The following C19orf38 variants were observed in gnomAD, a reference collection of about 807,000 sequenced individuals.
C19orf38 encodes chromosome 19 open reading frame 38.
A neutral mutation model predicts 26.6 loss-of-function variants in C19orf38; 14 were observed. The observed-to-expected ratio is 0.53, with a 90% CI of 0.35 to 0.82. C19orf38 has a LOEUF of 0.82. Among genes scored for constraint, C19orf38 ranks in the 40% least tolerant of loss-of-function variants. C19orf38 has a pLI of 0.01. For synonymous variants in C19orf38, 132 were observed against 128.5 expected, an observed-to-expected ratio of 1.03 and a Z score of -0.18; for missense variants, 261 against 299.5, an observed-to-expected ratio of 0.87 and a Z score of 0.95.
At chr19:10,846,850 G>A (rs912108948), upstream of C19orf38, among the ~76,000 whole-genome samples, 5 of 152,210 alleles carry the variant, frequency 3.3e-5, no homozygotes, top group Admixed American at 2.6e-4. Context: ...CTAGGGGATT[G>A]TTCTAAGTCC....
upstream of C19orf38, among the ~76,000 whole-genome samples, chr19:10,846,321 C>T (rs1010358665): frequency 6.6e-6 from 1 of 151,520 alleles, no homozygotes; most frequent in African/African-American, 2.4e-5. Context: ...CTCAGCCTCC[C>T]GAGTAGCTGG....
chr19:10,867,392 G>C (rs1374167801), intron 6 of C19orf38, among the ~76,000 whole-genome samples: 1 of 148,776 alleles, frequency 6.7e-6, no homozygotes, highest in African/African-American at 2.5e-5. Context: ...ATCACCTGAG[G>C]TTGGGAATTC....
At chr19:10,869,117 A>C in intron 6 of C19orf38, 101 bp from the exon 7 acceptor site, 1 of 1,453,318 alleles carries the variant, frequency 6.9e-7, no homozygotes, top group Non-Finnish European at 9.4e-7. Context: ...ATGAGAGGAG[A>C]CCTGCTGGGC....
intron 3 of C19orf38, among the ~76,000 whole-genome samples, chr19:10,857,930 G>GAAAGAAAGAA (rs1555721232): frequency 1.5e-5 from 2 of 135,176 alleles, no homozygotes; most frequent in Non-Finnish European, 3.2e-5. Context: ...AAGAAAGAAA[G>GAAAGAAAGAA]AAAAATCTGA....
chr19:10,854,207 C>T (rs970931692), intron 2 of C19orf38, among the ~76,000 whole-genome samples: 5 of 151,764 alleles, frequency 3.3e-5, no homozygotes, highest in African/African-American at 7.3e-5. Context: ...GGACTACAGG[C>T]GCCAACCACC....
At chr19:10,865,574 G>C (rs1177991867) in intron 6 of C19orf38, among the ~76,000 whole-genome samples, 32 of 152,244 alleles carry the variant, frequency 2.1e-4, no homozygotes, top group Admixed American at 2.1e-3. Context: ...TGAGTCTGCA[G>C]TGAGCTATGA....
At chr19:10,850,195 C>T (rs896208788) in intron 1 of C19orf38, 64 bp from the exon 2 acceptor site, 1 of 1,441,450 alleles carries the variant, frequency 6.9e-7, no homozygotes, top group Non-Finnish European at 9.3e-7. Flanking sequence ...TTGCCCGAGG[C>T]CACATAGCCA....
At chr19:10,844,402 C>CG (rs1555719541), upstream of C19orf38, among the ~76,000 whole-genome samples, 1 of 65,082 alleles carries the variant, frequency 1.5e-5, no homozygotes, top group African/African-American at 6.1e-5. Context: ...GACTCCGTCT[C>CG]AAAAAAAAAA....
At chr19:10,861,640 C>T (rs1391773770) in intron 5 of C19orf38, among the ~76,000 whole-genome samples, 26 of 152,072 alleles carry the variant, frequency 1.7e-4, no homozygotes, top group Admixed American at 1.1e-3. Flanking sequence ...TGCAGTGGCA[C>T]GATCTCAGCT....
chr19:10,864,069 GT>G (rs2073728952), intron 6 of C19orf38, among the ~76,000 whole-genome samples: 2 of 151,720 alleles, frequency 1.3e-5, no homozygotes, highest in African/African-American at 4.8e-5. Context: ...GGAGGGATTT[GT>G]TTTTTTTCAA....
chr19:10,863,504 C>G (rs959114165), intron 6 of C19orf38, among the ~76,000 whole-genome samples: 1 of 152,180 alleles, frequency 6.6e-6, no homozygotes, highest in Admixed American at 6.6e-5. Flanking sequence ...TGGTCTCAGT[C>G]ATGACAGCCC....
intron 2 of C19orf38, 125 bp from the exon 3 acceptor site, chr19:10,856,140 A>C (rs1377556191): frequency 5.7e-5 from 39 of 687,306 alleles, no homozygotes; most frequent in Non-Finnish European, 9.4e-5. Context: ...AAGTTTGCTA[A>C]GTCTCTTGGG....
chr19:10,837,999 C>CG (rs1321593423), intron 1 of C19orf38, among the ~76,000 whole-genome samples: 1 of 152,072 alleles, frequency 6.6e-6, no homozygotes, highest in Non-Finnish European at 1.5e-5. Context: ...CCTGTGTTGC[C>CG]CAGGCTGGTT....
In C19orf38 at chr19:10,869,301, G is replaced by A; in HGVS notation, c.627G>A (p.Lys209=). The A allele has an allele frequency of 6.4e-7, 1 of 1,551,664 alleles. No individual in the cohort carries two copies. The highest frequency in any genetic ancestry group is 8.7e-7 in the Non-Finnish European group (1 of 1,146,990). ...TATPSNSRTR[K]RPTSTSSSPE... Reference sequence around the variant, plus strand: ...CCCCCAGCAACTCCAGGACCCGGAAGAGGCCCACTTCCACGTCCTCCTCGC... The same window carrying A: ...CCCCCAGCAACTCCAGGACCCGGAAAAGGCCCACTTCCACGTCCTCCTCGC... Residue 209 remains lysine, a synonymous_variant, in exon 7 of 7, where the codon AAG becomes AAA. Coordinates refer to ENST00000397820, the MANE Select transcript of C19orf38 (RefSeq NM_001136482.3).
intron 5 of C19orf38, 78 bp downstream of exon 5, chr19:10,860,036 A>C: frequency 7.2e-7 from 1 of 1,389,336 alleles, no homozygotes; most frequent in South Asian, 1.2e-5. Flanking sequence ...TCACACACCA[A>C]TCAAATTTCT....
chr19:10,838,799 G>A lies in C19orf38; in HGVS notation c.-69+2029G>A, dbSNP rs2146234449. Among the ~76,000 whole-genome samples the A allele has an allele frequency of 3.3e-5, 5 of 152,270 alleles. No homozygotes were observed. The South Asian group carries it at 1.0e-3, about 32-fold the overall frequency. On this transcript the variant is annotated intron_variant, in intron 1 of 7. Coordinates refer to the C19orf38 transcript ENST00000592854. ...GATTTACATAGGGGATGAAAAACTG[G>A]TTAGAACAGGTGTGCCATTTGCATA...
chr19:10,861,326 AAG>A (rs2073696415), intron 5 of C19orf38, among the ~76,000 whole-genome samples: 1 of 152,228 alleles, frequency 6.6e-6, no homozygotes, highest in Non-Finnish European at 1.5e-5. Flanking sequence ...AAGGGGGCGA[AAG>A]GCAGCCAGTC....
chr19:10,862,984 A>T (rs570279262), intron 5 of C19orf38, among the ~76,000 whole-genome samples, 186 bp from the exon 6 acceptor site: 1 of 152,158 alleles, frequency 6.6e-6, no homozygotes, highest in East Asian at 1.9e-4. Flanking sequence ...GTGTAGAAGG[A>T]CTTGGTTCAC....
chr19:10,840,444 A>G (rs1199664308), intron 1 of C19orf38, among the ~76,000 whole-genome samples: 1 of 152,250 alleles, frequency 6.6e-6, no homozygotes, highest in East Asian at 1.9e-4. Flanking sequence ...AGTAGCTGGG[A>G]TTACAGGCAC....
Sources: allele counts gnomAD v4.1 joint callset (sites outside exome capture counted in the v4.1 genomes callset), GRCh38; gene constraint gnomAD v4.1.1; transcripts MANE v1.5; gene names NCBI Gene and HGNC (gene_info 2026-07-23, HGNC 2026-07-21).